CEP112: variants seen among roughly 807,000 people sequenced by gnomAD.
CEP112 encodes the protein centrosomal protein of 112 kDa.
In CEP112, 127 loss-of-function variants were observed where a neutral mutation model predicts 153.0. The ratio of observed to expected loss-of-function variants is 0.83; its 90% CI spans 0.72 to 0.96. The LOEUF (loss-of-function observed/expected upper bound fraction) is 0.96, where lower values mean the gene tolerates loss of function less well. Ranked by LOEUF, CEP112 falls within the 40% of genes least tolerant of loss-of-function variation. The pLI, the probability that CEP112 is intolerant of heterozygous loss-of-function variation, is 0.00. For synonymous variants in CEP112, 358 were observed against 374.4 expected, an observed-to-expected ratio of 0.96 and a Z score of 0.51; for missense variants, 1,089 against 1,101.2, an observed-to-expected ratio of 0.99 and a Z score of 0.16.
chr17:65,947,594 C>T (rs1434067008), intron 18 of CEP112, among the ~76,000 whole-genome samples: 2 of 152,082 alleles, frequency 1.3e-5, no homozygotes, highest in Non-Finnish European at 2.9e-5. Flanking sequence ...TAGGAAAAAG[C>T]TTCACTTACT....
chr17:66,137,575 C>A (rs7208192), intron 4 of CEP112, among the ~76,000 whole-genome samples: 74,794 of 151,864 alleles, frequency 0.49, 19,171 homozygotes, highest in Middle Eastern at 0.58. Flanking sequence ...AAGAGAAAAG[C>A]AACTCACTAC....
At chr17:65,734,967 T>G (rs2050715690) in intron 23 of CEP112, among the ~76,000 whole-genome samples, 1 of 152,162 alleles carries the variant, frequency 6.6e-6, no homozygotes, top group South Asian at 2.1e-4. Context: ...TAACATCAGG[T>G]GTTTGTCATT....
intron 17 of CEP112, among the ~76,000 whole-genome samples, chr17:65,973,276 A>C (rs1229727349): frequency 5.3e-5 from 8 of 152,232 alleles, no homozygotes; most frequent in Non-Finnish European, 2.9e-5. Context: ...TCAAAATTAA[A>C]AACACCTGCT....
intron 24 of CEP112, among the ~76,000 whole-genome samples, chr17:65,663,094 CT>C (rs2046479232): frequency 1.3e-5 from 2 of 152,160 alleles, no homozygotes. Flanking sequence ...ATGATGTTAA[CT>C]TTTTTCATCC....
intron 4 of CEP112, among the ~76,000 whole-genome samples, chr17:66,142,969 C>T (rs1276796137): frequency 6.6e-6 from 1 of 152,122 alleles, no homozygotes; most frequent in Non-Finnish European, 1.5e-5. Context: ...TCTTCCAATC[C>T]ATGAGCACAG....
intron 4 of CEP112, among the ~76,000 whole-genome samples, chr17:66,160,140 C>T (rs1200208605): frequency 6.6e-6 from 1 of 151,990 alleles, no homozygotes; most frequent in Non-Finnish European, 1.5e-5. Flanking sequence ...TATAAGGAAT[C>T]TGAGGGACCT....
intron 20 of CEP112, among the ~76,000 whole-genome samples, chr17:65,893,857 C>G (rs1346778218): frequency 6.6e-6 from 1 of 152,010 alleles, no homozygotes; most frequent in Non-Finnish European, 1.5e-5. Context: ...TCCAATTAGT[C>G]CTGAATGGGA....
chr17:66,150,085 A>T, intron 4 of CEP112, among the ~76,000 whole-genome samples: 1 of 137,684 alleles, frequency 7.3e-6, no homozygotes, highest in African/African-American at 2.7e-5. Context: ...TTTTTTAAGT[A>T]GAGACAAGGT....
intron 4 of CEP112, among the ~76,000 whole-genome samples, chr17:66,168,947 A>G (rs1422707277): frequency 6.6e-6 from 1 of 152,100 alleles, no homozygotes; most frequent in Non-Finnish European, 1.5e-5. Context: ...ATGGTGTGGC[A>G]TGCCTCCCTC....
intron 18 of CEP112, among the ~76,000 whole-genome samples, chr17:65,949,937 C>A (rs12952015): frequency 0.41 from 62,908 of 151,906 alleles, 14,409 homozygotes; most frequent in East Asian, 0.87. Flanking sequence ...CCATTCTCTC[C>A]AATTTTTGGA....
At chr17:66,065,980 A>G (rs1220963612) in intron 10 of CEP112, among the ~76,000 whole-genome samples, 1 of 152,144 alleles carries the variant, frequency 6.6e-6, no homozygotes, top group Non-Finnish European at 1.5e-5. Flanking sequence ...AATAGTTGAG[A>G]AGTACCCTTC....
chr17:65,852,491 T>TTCCC (rs34968799), intron 20 of CEP112, among the ~76,000 whole-genome samples: 8,677 of 85,484 alleles, frequency 0.1, 767 homozygotes, highest in Non-Finnish European at 0.13. Context: ...CCCTCCCTCA[T>TTCCC]TCCCTCCCTC....
chr17:66,069,842 C>G, intron 9 of CEP112, 73 bp downstream of exon 9: 1 of 798,432 alleles, frequency 1.3e-6, no homozygotes, highest in Admixed American at 2.6e-5. Flanking sequence ...GGATGGATAA[C>G]TGGATGGATC....
intron 5 of CEP112, among the ~76,000 whole-genome samples, chr17:66,130,580 C>T (rs1364312146): frequency 3.3e-5 from 5 of 152,050 alleles, no homozygotes; most frequent in Middle Eastern, 6.8e-3. Flanking sequence ...TCAAGACCAT[C>T]CTGGCTAACA....
intron 6 of CEP112, among the ~76,000 whole-genome samples, chr17:66,129,280 A>T: frequency 6.6e-6 from 1 of 152,006 alleles, no homozygotes; most frequent in Non-Finnish European, 1.5e-5. Flanking sequence ...TCTGCCTCCA[A>T]TTCCCACCTC....
chr17:65,798,317 A>T (rs1224408854), intron 21 of CEP112, among the ~76,000 whole-genome samples: 1 of 152,166 alleles, frequency 6.6e-6, no homozygotes, highest in Admixed American at 6.5e-5. Context: ...TATCTGAGTG[A>T]AATATTCTTT....
chr17:66,044,419 C>G (rs111847749), intron 12 of CEP112, among the ~76,000 whole-genome samples: 1 of 152,114 alleles, frequency 6.6e-6, no homozygotes, highest in African/African-American at 2.4e-5. Context: ...TCTGTACACC[C>G]ACGTACACGG....
intron 6 of CEP112, among the ~76,000 whole-genome samples, chr17:66,101,143 C>T (rs1364343852): frequency 2.0e-5 from 3 of 151,762 alleles, no homozygotes; most frequent in Non-Finnish European, 4.4e-5. Flanking sequence ...TTCTCTGGAC[C>T]CTCAGTCAAA....
intron 16 of CEP112, among the ~76,000 whole-genome samples, chr17:66,008,462 C>T (rs9675110): frequency 0.93 from 140,685 of 151,906 alleles, 65,379 homozygotes; most frequent in East Asian, 0.97. Context: ...CAAGTGATCC[C>T]CCCGTATCAG....
Sources: allele counts gnomAD v4.1 joint callset (sites outside exome capture counted in the v4.1 genomes callset), GRCh38; gene constraint gnomAD v4.1.1; transcripts MANE v1.5; gene names NCBI Gene and HGNC (gene_info 2026-07-23, HGNC 2026-07-21).